The following TBC1D31 variants were observed in gnomAD, a reference collection of about 807,000 sequenced individuals.
TBC1D31 encodes the protein WD repeat domain 67.
TBC1D31 carries 99 observed loss-of-function variants against 132.9 expected under a neutral mutation model. The observed-to-expected ratio is 0.74, with a 90% confidence interval of 0.63 to 0.88. The LOEUF (loss-of-function observed/expected upper bound fraction) is 0.88. TBC1D31 is among the 40% of genes least tolerant of loss of function. TBC1D31 has a pLI of 0.00. For synonymous variants in TBC1D31, 385 were observed against 419.4 expected (o/e 0.92, Z 1.00); for missense variants, 1,134 against 1,256.6 (o/e 0.90, Z 1.48).
chr8:123,118,565 A>G (rs1355649135), intron 10 of TBC1D31, among the ~76,000 whole-genome samples: 2 of 152,196 alleles, frequency 1.3e-5, no homozygotes, highest in East Asian at 1.9e-4. Context: ...ACAAAGACTC[A>G]TGTAAAACTG....
the TBC1D31 span, among the ~76,000 whole-genome samples, chr8:123,157,357 C>G: frequency 6.6e-6 from 1 of 152,108 alleles, no homozygotes; most frequent in Admixed American, 6.5e-5. Flanking sequence ...TGGTCTGCTG[C>G]GCATGCCCAC....
At chr8:123,112,567 T>G (rs894138529) in intron 10 of TBC1D31, among the ~76,000 whole-genome samples, 4 of 152,212 alleles carry the variant, frequency 2.6e-5, no homozygotes, top group Admixed American at 6.5e-5. Context: ...TACAGAAATA[T>G]TCATCTTTTT....
intron 1 of TBC1D31, among the ~76,000 whole-genome samples, chr8:123,075,661 C>T (rs1814430907): frequency 6.6e-6 from 1 of 151,878 alleles, no homozygotes; most frequent in African/African-American, 2.4e-5. Context: ...CGAGATTGCA[C>T]CACTGCACTC....
Position 123,093,742 on chromosome 8 carries a change from G to A in TBC1D31, c.671G>A (p.Arg224Lys), listed in dbSNP as rs1816577332. 1 of 1,561,032 alleles carries A rather than the reference G, an allele frequency of 6.4e-7. No individual in the cohort carries two copies. Residue 224 changes from arginine to lysine, a missense_variant and splice_region_variant, in exon 5 of 22, where the codon AGA becomes AAA. By Grantham distance (26) the Arg-to-Lys change is conservative. Coordinates refer to ENST00000287380, the MANE Select transcript of TBC1D31 (RefSeq NM_145647.4). The part of the protein sequence containing the change: ...SILYKVFAVT[R>K]DGRILAAGGK... ...TTATACAAAGTGTTTGCTGTAACCA[G>A]GTAATGTGCATTTTAAGACACTAGG... is the stretch of plus-strand genomic sequence containing the variant.
intron 10 of TBC1D31, among the ~76,000 whole-genome samples, chr8:123,111,265 C>G (rs1818406672): frequency 6.6e-6 from 1 of 152,278 alleles, no homozygotes; most frequent in Non-Finnish European, 1.5e-5. Context: ...ATTAGCAAAA[C>G]AGTGATAATA....
At chr8:123,078,637 C>T (rs1814794190) in intron 2 of TBC1D31, among the ~76,000 whole-genome samples, 1 of 152,064 alleles carries the variant, frequency 6.6e-6, no homozygotes, top group Non-Finnish European at 1.5e-5. Flanking sequence ...ACAGGATGAG[C>T]CTGTAACATT....
intron 8 of TBC1D31, among the ~76,000 whole-genome samples, chr8:123,108,079 A>T (rs1563708168): frequency 6.6e-6 from 1 of 152,138 alleles, no homozygotes; most frequent in South Asian, 2.1e-4. Context: ...ATTCACCATC[A>T]TCTTAGGTTT....
rs370892415 is a variant in TBC1D31, at chr8:123,105,396, T to C, written c.1141T>C (p.Ser381Pro). The C allele has an allele frequency of 9.6e-5, 155 of 1,613,120 alleles. No homozygotes were observed. The highest frequency in any genetic ancestry group is 2.7e-4 in the Admixed American group (16 of 59,922). ...AGGGAGAGTACAGCAGCCAGCAAAA[T>C]CTAGGGAAAGCAAAATGCAAACTAG... is the stretch of plus-strand genomic sequence containing the variant. ...TSGRVQQPAK[S>P]RESKMQTRIL... The change falls in exon 8 of 22, where the codon TCT (serine) becomes CCT (proline). Residue 381 changes from serine (S) to proline (P), a missense_variant. Physicochemically the swap from Ser to Pro is moderately conservative, Grantham distance 74 (BLOSUM62 -1). Transcript: ENST00000287380.
chr8:123,132,350 C>T (rs1820706010), intron 16 of TBC1D31, among the ~76,000 whole-genome samples: 1 of 143,784 alleles, frequency 7.0e-6, no homozygotes, highest in African/African-American at 2.6e-5. Flanking sequence ...ACTTTATGCA[C>T]TAATTTAGAG....
At chr8:123,151,096 T>C (rs1389344431) in intron 21 of TBC1D31, among the ~76,000 whole-genome samples, 1 of 152,166 alleles carries the variant, frequency 6.6e-6, no homozygotes, top group African/African-American at 2.4e-5. Context: ...TCAGATGAAG[T>C]ATGAGAGATT....
At chr8:123,135,913 A>G (rs1164197147) in intron 17 of TBC1D31, among the ~76,000 whole-genome samples, 2 of 152,322 alleles carry the variant, frequency 1.3e-5, no homozygotes, top group Non-Finnish European at 2.9e-5. Context: ...TTGCAAGAAA[A>G]ATACTAAAAA....
intron 4 of TBC1D31, among the ~76,000 whole-genome samples, chr8:123,092,872 C>T (rs896428623): frequency 3.6e-5 from 5 of 138,774 alleles, no homozygotes; most frequent in Admixed American, 3.1e-4. Flanking sequence ...AGTGCGGTGG[C>T]GGGGTCTTGG....
intron 5 of TBC1D31, among the ~76,000 whole-genome samples, chr8:123,094,382 CTT>C (rs972558756): frequency 6.6e-6 from 1 of 151,626 alleles, no homozygotes; most frequent in Non-Finnish European, 1.5e-5. Flanking sequence ...TTATCAATAA[CTT>C]CACCTACTTC....
intron 4 of TBC1D31, among the ~76,000 whole-genome samples, chr8:123,089,948 T>G (rs1816173041): frequency 6.6e-6 from 1 of 152,216 alleles, no homozygotes; most frequent in Admixed American, 6.5e-5. Flanking sequence ...TCATACTACC[T>G]ATCTAAAATT....
intron 2 of TBC1D31, among the ~76,000 whole-genome samples, chr8:123,082,179 A>G (rs1251754208): frequency 6.6e-6 from 1 of 152,170 alleles, no homozygotes; most frequent in African/African-American, 2.4e-5. Context: ...TTGTAAATTA[A>G]ACTCCAGCTA....
chr8:123,120,091 T>C lies in TBC1D31; in HGVS notation c.1473T>C (p.Phe491=), dbSNP rs1403757770. 6.2e-7 allele frequency: 1 copy of C among 1,609,434 alleles called. No individual in the cohort carries two copies. Among genetic ancestry groups the C allele is most frequent in the African/African-American group, 1.3e-5 (1 of 74,950 alleles). ...CATTAGCTCACTGGTCTGTCATTTT[T>C]AGTGACACACCATATCTTCCACTCT... The part of the protein sequence containing the change: ...LSALAHWSVI[F]SDTPYLPLLA... The change falls in exon 11 of 22, where the codon TTT becomes TTC. Residue 491 remains phenylalanine, a synonymous_variant. Transcript: ENST00000287380.
chr8:123,163,148 A>C, the TBC1D31 span, among the ~76,000 whole-genome samples: 1 of 151,598 alleles, frequency 6.6e-6, no homozygotes, highest in African/African-American at 2.4e-5. Flanking sequence ...TTTAAATGTC[A>C]TATACTCAGT....
intron 1 of TBC1D31, chr8:123,073,102 G>A (rs2130558295): frequency 1.8e-6 from 1 of 561,940 alleles, no homozygotes; most frequent in Admixed American, 3.0e-5. Context: ...CTGGGAACTT[G>A]CGGCTTTTGC....
rs919165374 is a variant in TBC1D31 at position 123,108,534 on chromosome 8, T to C, written c.1210-783T>C. On this transcript the variant is annotated intron_variant, in intron 8 of 21. Coordinates refer to ENST00000287380, the MANE Select transcript of TBC1D31 (RefSeq NM_145647.4). ...GTGGGGGAGGAGCGGTCAGAGTGGA[T>C]TGCTCTTGATGCAGGAGTCCCAGAT... Among the ~76,000 whole-genome samples the C allele has an allele frequency of 3.3e-5, 5 of 152,252 alleles. No homozygotes were observed. The East Asian group carries it at 9.6e-4, about 29-fold the overall frequency.
Sources: allele counts gnomAD v4.1 joint callset (sites outside exome capture counted in the v4.1 genomes callset), GRCh38; gene constraint gnomAD v4.1.1; transcripts MANE v1.5; gene names NCBI Gene and HGNC (gene_info 2026-07-23, HGNC 2026-07-21).